Variants in ENTREP2 observed in about 807,000 individuals in gnomAD.
ENTREP2 encodes protein ENTREP2.
At chr15:29,363,484 T>C in the ENTREP2 span, among the ~76,000 whole-genome samples, 2 of 152,170 alleles carry the variant, frequency 1.3e-5, no homozygotes, top group South Asian at 2.1e-4. Context: ...TTTCTGTAAG[T>C]GCAAAAATTC....
At chr15:29,540,714 C>T in the ENTREP2 span, among the ~76,000 whole-genome samples, 1 of 152,228 alleles carries the variant, frequency 6.6e-6, no homozygotes, top group Admixed American at 6.5e-5. Flanking sequence ...GTCCCATCAT[C>T]CTATTCTCAA....
chr15:29,181,003 C>G, the ENTREP2 span, among the ~76,000 whole-genome samples: 1 of 150,590 alleles, frequency 6.6e-6, no homozygotes, highest in African/African-American at 2.4e-5. Context: ...ATGACAAGAT[C>G]AATAAATATT....
At chr15:29,234,925 A>G in the ENTREP2 span, 1 of 1,544,680 alleles carries the variant, frequency 6.5e-7, no homozygotes, top group East Asian at 2.2e-5. Context: ...ATTTGGTGTC[A>G]TCTGAGCCAG....
the ENTREP2 span, among the ~76,000 whole-genome samples, chr15:29,591,936 C>T: frequency 1.3e-5 from 2 of 151,672 alleles, no homozygotes; most frequent in African/African-American, 4.9e-5. Context: ...AAGTGTGTAT[C>T]TTCAAGCCAA....
the ENTREP2 span, among the ~76,000 whole-genome samples, chr15:29,409,342 A>G: frequency 6.6e-6 from 1 of 151,334 alleles, no homozygotes. Flanking sequence ...ATAAAAATTA[A>G]TTTTTCTTTT....
At chr15:29,358,114 G>C in the ENTREP2 span, among the ~76,000 whole-genome samples, 1 of 152,080 alleles carries the variant, frequency 6.6e-6, no homozygotes, top group African/African-American at 2.4e-5. Context: ...ATGTACCTGA[G>C]GAGACGGGCA....
the ENTREP2 span, among the ~76,000 whole-genome samples, chr15:29,567,751 T>A: frequency 1.3e-5 from 2 of 152,344 alleles, no homozygotes; most frequent in Non-Finnish European, 2.9e-5. Flanking sequence ...TCACTAAGCA[T>A]GGGCTGTCTG....
chr15:29,361,906 C>G, the ENTREP2 span, among the ~76,000 whole-genome samples: 1 of 152,218 alleles, frequency 6.6e-6, no homozygotes, highest in Non-Finnish European at 1.5e-5. Context: ...TTAAGCTTTG[C>G]TGATGCCCAC....
the ENTREP2 span, among the ~76,000 whole-genome samples, chr15:29,352,885 C>A: frequency 6.6e-6 from 1 of 152,144 alleles, no homozygotes; most frequent in Non-Finnish European, 1.5e-5. Flanking sequence ...TATTATTCAC[C>A]CCTCATCATT....
At chr15:29,176,392 A>T in the ENTREP2 span, among the ~76,000 whole-genome samples, 10 of 152,062 alleles carry the variant, frequency 6.6e-5, no homozygotes, top group Admixed American at 2.6e-4. Context: ...CAGAACAGTC[A>T]GTTTGGGGGC....
At chr15:29,442,864 A>G in the ENTREP2 span, among the ~76,000 whole-genome samples, 1 of 152,118 alleles carries the variant, frequency 6.6e-6, no homozygotes, top group African/African-American at 2.4e-5. Flanking sequence ...TTAAAACCAC[A>G]CACTTGATCT....
the ENTREP2 span, among the ~76,000 whole-genome samples, chr15:29,542,627 G>A: frequency 1.3e-5 from 2 of 152,122 alleles, no homozygotes; most frequent in South Asian, 4.1e-4. Flanking sequence ...TTTAAGTTAC[G>A]GTTCTACGGC....
the ENTREP2 span, among the ~76,000 whole-genome samples, chr15:29,329,897 G>A: frequency 6.6e-6 from 1 of 152,130 alleles, no homozygotes; most frequent in Admixed American, 6.5e-5. Context: ...TCTCCCAAGG[G>A]AAAAAATTCC....
At chr15:29,588,623 CAGAA>C in the ENTREP2 span, among the ~76,000 whole-genome samples, 6 of 149,334 alleles carry the variant, frequency 4.0e-5, no homozygotes, top group East Asian at 2.0e-4. Flanking sequence ...GACAGAAAGA[CAGAA>C]GGAAGGAAGG....
At chr15:29,199,258 T>G in the ENTREP2 span, among the ~76,000 whole-genome samples, 1 of 152,224 alleles carries the variant, frequency 6.6e-6, no homozygotes, top group Non-Finnish European at 1.5e-5. Flanking sequence ...GTGCTTGTTT[T>G]AGTCTTTTTA....
the ENTREP2 span, among the ~76,000 whole-genome samples, chr15:29,197,987 T>C: frequency 1.3e-5 from 2 of 152,114 alleles, no homozygotes; most frequent in Admixed American, 1.3e-4. Flanking sequence ...ACTGAGGCCA[T>C]ACTTATAAAA....
the ENTREP2 span, among the ~76,000 whole-genome samples, chr15:29,430,141 C>T: frequency 6.6e-6 from 1 of 152,142 alleles, no homozygotes; most frequent in Non-Finnish European, 1.5e-5. Context: ...GGCAAGAAGG[C>T]TTTCTTTCAG....
chr15:29,400,030 G>C, the ENTREP2 span, among the ~76,000 whole-genome samples: 7 of 152,102 alleles, frequency 4.6e-5, no homozygotes, highest in African/African-American at 1.7e-4. Flanking sequence ...AGGTCAACAG[G>C]ATCAATATTT....
At chr15:29,220,862 C>G in the ENTREP2 span, among the ~76,000 whole-genome samples, 1 of 151,482 alleles carries the variant, frequency 6.6e-6, no homozygotes, top group African/African-American at 2.4e-5. Context: ...GATATTTCAC[C>G]TTTATTTTGG....
Sources: gnomAD v4.1 joint callset for allele counts (sites outside exome capture counted in the v4.1 genomes callset) on GRCh38, gnomAD v4.1.1 for gene constraint, MANE v1.5 for transcripts, NCBI Gene and HGNC (gene_info 2026-07-23, HGNC 2026-07-21) for gene names.